Variants in RANBP17 observed in about 807,000 individuals in gnomAD.
The protein encoded by RANBP17 is ran-binding protein 17.
Under a neutral mutation model 141.2 loss-of-function variants are expected in RANBP17, and 158 were observed. The ratio of observed to expected loss-of-function variants is 1.12; its 90% CI spans 0.98 to 1.28. The LOEUF (loss-of-function observed/expected upper bound fraction) is 1.28. Among genes scored for constraint, RANBP17 ranks in the 50% most tolerant of loss-of-function variants. RANBP17 has a pLI of 0.00. For synonymous variants in RANBP17, 430 were observed against 450.0 expected (o/e 0.96, Z 0.56); for missense variants, 1,438 against 1,290.7 (o/e 1.11, Z -1.75).
chr5:170,953,779 T>G, intron 13 of RANBP17, 77 bp downstream of exon 13: 2 of 925,092 alleles, frequency 2.2e-6, no homozygotes, highest in Non-Finnish European at 3.4e-6. Flanking sequence ...GTATTATGAG[T>G]GAAGACATTT....
chr5:171,216,383 G>A (rs1249256238), intron 21 of RANBP17, among the ~76,000 whole-genome samples: 11 of 152,226 alleles, frequency 7.2e-5, no homozygotes, highest in Admixed American at 3.3e-4. Flanking sequence ...TTGGCTATAC[G>A]TGCCCTTTTT....
chr5:170,922,788 G>A (rs1329169683), intron 11 of RANBP17, among the ~76,000 whole-genome samples: 1 of 152,080 alleles, frequency 6.6e-6, no homozygotes, highest in Non-Finnish European at 1.5e-5. Flanking sequence ...GTGAGGCGAC[G>A]CCCTGCCCTG....
chr5:171,031,793 T>C (rs1439770365), intron 14 of RANBP17, among the ~76,000 whole-genome samples: 4 of 152,036 alleles, frequency 2.6e-5, no homozygotes, highest in African/African-American at 7.2e-5. Flanking sequence ...CTTTTGGTGG[T>C]GTCTTGCCAT....
At chr5:170,963,877 C>T (rs1044090291) in intron 13 of RANBP17, among the ~76,000 whole-genome samples, 10 of 151,966 alleles carry the variant, frequency 6.6e-5, no homozygotes, top group African/African-American at 2.4e-4. Context: ...ACAAAGGGGT[C>T]AACCCTCTGA....
chr5:170,928,982 T>G (rs1773136547), intron 12 of RANBP17, among the ~76,000 whole-genome samples: 1 of 152,110 alleles, frequency 6.6e-6, no homozygotes, highest in South Asian at 2.1e-4. Context: ...GTTTTCAGTG[T>G]ACAGTTAGTG....
intron 14 of RANBP17, among the ~76,000 whole-genome samples, chr5:171,045,414 T>C (rs1010116993): frequency 4.3e-4 from 66 of 152,146 alleles, no homozygotes; most frequent in African/African-American, 1.6e-3. Flanking sequence ...TGATTGTTAT[T>C]TTAAAGCTGG....
chr5:170,905,348 G>A (rs1211683894), intron 5 of RANBP17, among the ~76,000 whole-genome samples: 3 of 152,112 alleles, frequency 2.0e-5, no homozygotes, highest in African/African-American at 7.2e-5. Context: ...GTGTGGGCAT[G>A]CATGTCCATG....
chr5:171,116,369 T>C (rs1287786875), intron 14 of RANBP17, among the ~76,000 whole-genome samples: 1 of 152,168 alleles, frequency 6.6e-6, no homozygotes, highest in African/African-American at 2.4e-5. Context: ...TTGAAAACTT[T>C]ATGTTTATCA....
intron 14 of RANBP17, among the ~76,000 whole-genome samples, chr5:171,000,509 A>G (rs960044087): frequency 6.6e-6 from 1 of 152,230 alleles, no homozygotes; most frequent in Non-Finnish European, 1.5e-5. Context: ...TTTGGGGCCT[A>G]TCAATGCAAA....
At chr5:171,010,484 A>G (rs1779960166) in intron 14 of RANBP17, among the ~76,000 whole-genome samples, 1 of 152,194 alleles carries the variant, frequency 6.6e-6, no homozygotes, top group South Asian at 2.1e-4. Context: ...AGCTAATACA[A>G]TACAGAGTTC....
chr5:170,990,959 C>T (rs1778469864), intron 14 of RANBP17, among the ~76,000 whole-genome samples: 1 of 151,690 alleles, frequency 6.6e-6, no homozygotes, highest in Admixed American at 6.6e-5. Flanking sequence ...GCCAACTAAC[C>T]CCTAATTATC....
At chr5:171,014,523 A>G (rs1444176621) in intron 14 of RANBP17, among the ~76,000 whole-genome samples, 1 of 151,992 alleles carries the variant, frequency 6.6e-6, no homozygotes, top group Non-Finnish European at 1.5e-5. Context: ...TGTCCCCTTT[A>G]AAATGATATT....
At chr5:170,955,576 C>T (rs1309878990) in intron 13 of RANBP17, among the ~76,000 whole-genome samples, 1 of 17,270 alleles carries the variant, frequency 5.8e-5, no homozygotes, top group Non-Finnish European at 1.5e-4. Context: ...TATGCTCAGT[C>T]TGTGTGTATA....
intron 14 of RANBP17, among the ~76,000 whole-genome samples, chr5:171,103,457 A>G (rs1445769584): frequency 6.6e-6 from 1 of 152,064 alleles, no homozygotes; most frequent in African/African-American, 2.4e-5. Context: ...CCCCCCACAA[A>G]GCTCAAGCAT....
intron 14 of RANBP17, among the ~76,000 whole-genome samples, chr5:171,062,159 A>G (rs373872486): frequency 2.6e-5 from 4 of 151,840 alleles, no homozygotes; most frequent in Non-Finnish European, 4.4e-5. Flanking sequence ...GTCCATTTAC[A>G]TTTAAAGTTA....
At chr5:171,251,102 T>G (rs1765530762) in intron 24 of RANBP17, among the ~76,000 whole-genome samples, 1 of 152,174 alleles carries the variant, frequency 6.6e-6, no homozygotes, top group African/African-American at 2.4e-5. Flanking sequence ...CAAAAATTTT[T>G]TTTAGAGACA....
At chr5:171,144,708 T>C (rs1581728272) in intron 14 of RANBP17, among the ~76,000 whole-genome samples, 1 of 152,166 alleles carries the variant, frequency 6.6e-6, no homozygotes, top group African/African-American at 2.4e-5. Flanking sequence ...TAAAACTGAG[T>C]GTTTGACTAT....
intron 1 of RANBP17, among the ~76,000 whole-genome samples, chr5:170,875,067 T>C (rs1768068843): frequency 6.6e-6 from 1 of 152,182 alleles, no homozygotes; most frequent in Non-Finnish European, 1.5e-5. Flanking sequence ...AAATGGATTT[T>C]ATTTCTCCTT....
intron 9 of RANBP17, among the ~76,000 whole-genome samples, chr5:170,917,135 A>G (rs1772042695): frequency 1.3e-5 from 2 of 152,112 alleles, no homozygotes; most frequent in Admixed American, 1.3e-4. Context: ...TATCTATCTT[A>G]CTATGCTTCT....
Sources: allele counts gnomAD v4.1 joint callset (sites outside exome capture counted in the v4.1 genomes callset), GRCh38; gene constraint gnomAD v4.1.1; transcripts MANE v1.5; gene names NCBI Gene and HGNC (gene_info 2026-07-23, HGNC 2026-07-21).